PEAK1: variants seen among roughly 807,000 people sequenced by gnomAD.
The protein encoded by PEAK1 is inactive tyrosine-protein kinase PEAK1.
PEAK1 carries 54 observed loss-of-function variants against 124.7 expected under a neutral mutation model. The observed-to-expected ratio is 0.43, with a 90% CI of 0.35 to 0.54. PEAK1 has a LOEUF of 0.54. Ranked by LOEUF, PEAK1 falls within the 20% of genes least tolerant of loss-of-function variation. The probability of loss-of-function intolerance (pLI) is 0.01; values close to 1 mark genes in which losing one functional copy is unlikely to be tolerated. For synonymous variants in PEAK1, 719 were observed against 760.0 expected (o/e 0.95, Z 0.89); for missense variants, 2,046 against 2,134.5 (o/e 0.96, Z 0.82).
At chr15:77,319,948 G>A (rs1459386483) in intron 2 of PEAK1, among the ~76,000 whole-genome samples, 4 of 152,132 alleles carry the variant, frequency 2.6e-5, no homozygotes, top group Non-Finnish European at 5.9e-5. Context: ...CTACAAAGCA[G>A]AACCAACATG....
chr15:77,261,806 G>T (rs2061457368), intron 5 of PEAK1, among the ~76,000 whole-genome samples: 1 of 152,090 alleles, frequency 6.6e-6, no homozygotes, highest in Non-Finnish European at 1.5e-5. Flanking sequence ...ACACATAATT[G>T]TCAGATTCAC....
intron 1 of PEAK1, among the ~76,000 whole-genome samples, chr15:77,398,487 C>T (rs2071087320): frequency 6.6e-6 from 1 of 152,030 alleles, no homozygotes; most frequent in Non-Finnish European, 1.5e-5. Flanking sequence ...TGTGATACAC[C>T]ATATTAACAG....
At chr15:77,221,231 C>T (rs932809308) in intron 6 of PEAK1, among the ~76,000 whole-genome samples, 1 of 152,014 alleles carries the variant, frequency 6.6e-6, no homozygotes, top group Admixed American at 6.6e-5. Flanking sequence ...TAACATCTAT[C>T]ACGTGGTCAG....
chr15:77,313,652 ATGTGTG>A lies in PEAK1; in HGVS notation c.-602-27154_-602-27149del, dbSNP rs775220459. On this transcript the variant is annotated intron_variant, in intron 2 of 9. Transcript: ENST00000682557. Reference sequence around the variant, plus strand: ...CAGTAATGTATGTATGTATGTATGTATGTGTGTGTGTGTGTGTGTGTGTGTGTGTGT... The same window carrying A: ...CAGTAATGTATGTATGTATGTATGTATGTGTGTGTGTGTGTGTGTGTGTGT... 7.2e-3 allele frequency among the ~76,000 whole-genome samples: 649 copies of A among 90,570 alleles called. 9 individuals carry two copies. The highest frequency in any genetic ancestry group is 0.046 in the East Asian group (176 of 3,854). 59.4% of individuals were successfully genotyped at this position (90,570 alleles called of 152,430 possible). A position where few individuals can be genotyped will look rare whatever the true frequency, so the allele number is the denominator to read the frequency against.
intron 1 of PEAK1, among the ~76,000 whole-genome samples, chr15:77,391,916 T>C (rs1265522231): frequency 2.0e-5 from 3 of 152,218 alleles, no homozygotes; most frequent in African/African-American, 7.2e-5. Flanking sequence ...TAAAAAGTGA[T>C]AATACCAGAA....
chr15:77,168,237 G>GCACA (rs113937076), intron 7 of PEAK1, among the ~76,000 whole-genome samples: 14,320 of 146,876 alleles, frequency 0.097, 750 homozygotes, highest in Middle Eastern at 0.13. Context: ...ATGTGCGCGC[G>GCACA]CACACACACA....
intron 2 of PEAK1, chr15:77,347,914 T>C (rs1450997772): frequency 2.0e-6 from 2 of 984,854 alleles, no homozygotes; most frequent in East Asian, 2.3e-4. Context: ...CTCACCTTAA[T>C]TGAAGGATAA....
At chr15:77,102,871 T>C (rs958080781) in exon 7 of PEAK1, 1 of 152,164 alleles carries the variant, frequency 6.6e-6, no homozygotes, top group Non-Finnish European at 1.5e-5. Context: ...AAAACCATTT[T>C]GTAAAGTTTT....
chr15:77,176,100 T>C (rs1174996209), intron 7 of PEAK1, among the ~76,000 whole-genome samples: 1 of 148,796 alleles, frequency 6.7e-6, no homozygotes, highest in Non-Finnish European at 1.5e-5. Context: ...TGTGGACTGT[T>C]GTGGGGTGGG....
At chr15:77,318,844 C>T (rs2153013399) in intron 2 of PEAK1, among the ~76,000 whole-genome samples, 1 of 152,202 alleles carries the variant, frequency 6.6e-6, no homozygotes, top group East Asian at 1.9e-4. Context: ...CACATGTCCC[C>T]TATAAACCTC....
At position 77,356,091 on chromosome 15, in the gene PEAK1, G is replaced by C. The variant is rs192975383; in HGVS notation, c.-603+9072C>G. ...TGCATTACTCAGTGATAAAAATTCA[G>C]AACAGTGGTTCCCTCTGGTGAGGGA... is the stretch of plus-strand genomic sequence containing the variant. On this transcript the variant is annotated intron_variant, in intron 2 of 9. Transcript: ENST00000682557. 1.0e-3 allele frequency: 248 copies of C among 243,974 alleles called. 2 individuals carry two copies. The highest frequency in any genetic ancestry group is 5.6e-3 in the African/African-American group (242 of 43,184). 15.1% of individuals were successfully genotyped at this position (243,974 alleles called of 1,614,324 possible). A position where few individuals can be genotyped will look rare whatever the true frequency, so the allele number is the denominator to read the frequency against.
At chr15:77,227,731 C>CTCATGCCTG (rs1221765672) in intron 6 of PEAK1, among the ~76,000 whole-genome samples, 2 of 152,090 alleles carry the variant, frequency 1.3e-5, no homozygotes, top group Non-Finnish European at 2.9e-5. Flanking sequence ...GGCACAGTTG[C>CTCATGCCTG]TCATGCCTGT....
At chr15:77,219,604 C>T (rs1381197859) in intron 6 of PEAK1, among the ~76,000 whole-genome samples, 2 of 152,024 alleles carry the variant, frequency 1.3e-5, no homozygotes, top group Non-Finnish European at 2.9e-5. Flanking sequence ...TGTAACGCTG[C>T]CATAATTGCA....
rs1323060383 is a variant in PEAK1 at position 77,371,374 on chromosome 15, T to C, written c.-665-6149A>G. ...GAAAGTAGAGAGAAGATAAGGAACA[T>C]TAATTGAAAGTGTTGTAAAAGTGAA... is the stretch of plus-strand genomic sequence containing the variant. On this transcript the variant is annotated intron_variant, in intron 1 of 9. Coordinates refer to ENST00000682557, the MANE Select transcript of PEAK1 (RefSeq NM_001385026.1). The C allele has an allele frequency of 2.3e-5, 21 of 931,886 alleles. 1 individual carries two copies. Among genetic ancestry groups the C allele is most frequent in the Admixed American group, 6.2e-5 (1 of 16,156 alleles). The allele number at this position is 931,886 out of a possible 1,614,324, so 57.7% of individuals were successfully genotyped here.
intron 1 of PEAK1, among the ~76,000 whole-genome samples, chr15:77,366,433 T>C (rs1453541071): frequency 6.6e-6 from 1 of 152,174 alleles, no homozygotes; most frequent in African/African-American, 2.4e-5. Flanking sequence ...TACAGCACAA[T>C]CTAGGCTATA....
intron 1 of PEAK1, among the ~76,000 whole-genome samples, chr15:77,397,978 T>C (rs977776853): frequency 2.0e-5 from 3 of 152,106 alleles, no homozygotes; most frequent in African/African-American, 7.2e-5. Context: ...CGCAGGAGAA[T>C]CGCTTGAACC....
At chr15:77,332,525 G>A (rs369454919) in intron 2 of PEAK1, among the ~76,000 whole-genome samples, 3 of 152,098 alleles carry the variant, frequency 2.0e-5, no homozygotes, top group African/African-American at 7.2e-5. Flanking sequence ...GCATGAACCC[G>A]GGAGGCGGAG....
intron 1 of PEAK1, among the ~76,000 whole-genome samples, chr15:77,415,774 C>T (rs774000218): frequency 1.3e-4 from 20 of 152,104 alleles, no homozygotes; most frequent in Non-Finnish European, 2.4e-4. Flanking sequence ...GCCCTGGATC[C>T]CATTCCTTAT....
At chr15:77,137,597 T>C (rs2053443030) in intron 8 of PEAK1, among the ~76,000 whole-genome samples, 1 of 152,216 alleles carries the variant, frequency 6.6e-6, no homozygotes, top group Non-Finnish European at 1.5e-5. Flanking sequence ...TCTGGCCAAT[T>C]TCTCCCATTT....
Sources: gnomAD v4.1 joint callset for allele counts (sites outside exome capture counted in the v4.1 genomes callset) on GRCh38, gnomAD v4.1.1 for gene constraint, MANE v1.5 for transcripts, NCBI Gene and HGNC (gene_info 2026-07-23, HGNC 2026-07-21) for gene names.